The following SLC25A33 variants were observed in gnomAD, a reference collection of about 807,000 sequenced individuals.
SLC25A33 encodes bone marrow stromal cell mitochondrial carrier protein.
In SLC25A33, 15 loss-of-function variants were observed where a neutral mutation model predicts 35.5. The ratio of observed to expected loss-of-function variants is 0.42; its 90% CI spans 0.28 to 0.65. The LOEUF is 0.65. Ranked by LOEUF, SLC25A33 falls within the 30% of genes least tolerant of loss-of-function variation. SLC25A33 has a pLI of 0.20. For synonymous variants in SLC25A33, 136 were observed against 148.7 expected, an observed-to-expected ratio of 0.91 and a Z score of 0.62; for missense variants, 257 against 398.5, an observed-to-expected ratio of 0.64 and a Z score of 3.02.
At chr1:9,577,317 A>G (rs1380030758) in intron 5 of SLC25A33, among the ~76,000 whole-genome samples, 3 of 152,042 alleles carry the variant, frequency 2.0e-5, no homozygotes, top group Non-Finnish European at 2.9e-5. Context: ...GTGTGGTGTC[A>G]TGCCTCGGGA....
At position 9,571,329 on chromosome 1, in the gene SLC25A33, T is replaced by C. The variant is rs187045977; in HGVS notation, c.415+971T>C. On this transcript the variant is annotated intron_variant, in intron 4 of 6. Transcript: ENST00000302692. The stretch of plus-strand genomic sequence containing the variant: ...GTTTGTTTTTGAGACAGAGTCACTC[T>C]GTCGCCCAGGCTGGAGTGCAATGGC... 2.9e-3 allele frequency among the ~76,000 whole-genome samples: 440 copies of C among 152,272 alleles called. 4 individuals are homozygous for C. Among genetic ancestry groups the C allele is most frequent in the Non-Finnish European group, 4.4e-3 (299 of 68,018 alleles).
intron 1 of SLC25A33, among the ~76,000 whole-genome samples, chr1:9,540,150 G>A (rs1643056553): frequency 6.6e-6 from 1 of 152,198 alleles, no homozygotes; most frequent in Non-Finnish European, 1.5e-5. Flanking sequence ...CCCGTGGTAG[G>A]ATCGCTGATG....
Position 9,542,121 on chromosome 1 carries a change from C to A in SLC25A33, c.56+2374C>A, listed in dbSNP as rs367744303. 9.9e-5 allele frequency among the ~76,000 whole-genome samples: 15 copies of A among 152,274 alleles called. 1 individual carries two copies. The East Asian group carries it at 2.9e-3, about 29-fold the overall frequency. Reference sequence around the variant, plus strand: ...AGTGAGGTGGTCTTTTACAATTTTTCTTTGTATTCCAAACCAGGAGAGTTG... The same window carrying A: ...AGTGAGGTGGTCTTTTACAATTTTTATTTGTATTCCAAACCAGGAGAGTTG... On this transcript the variant is annotated intron_variant, in intron 1 of 6. Coordinates refer to ENST00000302692, the MANE Select transcript of SLC25A33 (RefSeq NM_032315.3).
At chr1:9,553,203 G>GTTTTTTTTTTTTTT (rs550067186) in intron 1 of SLC25A33, among the ~76,000 whole-genome samples, 47 of 56,474 alleles carry the variant, frequency 8.3e-4, no homozygotes, top group African/African-American at 8.3e-4. Context: ...TTCTAGTTTT[G>GTTTTTTTTTTTTTT]TTTTTTTTTT....
chr1:9,540,080 C>T (rs1407360290), intron 1 of SLC25A33, among the ~76,000 whole-genome samples: 2 of 152,108 alleles, frequency 1.3e-5, no homozygotes, highest in African/African-American at 2.4e-5. Flanking sequence ...CGCTGTGGCG[C>T]GGCCCCCCCT....
intron 3 of SLC25A33, 59 bp downstream of exon 3, chr1:9,567,420 C>A (rs1643526487): frequency 1.3e-6 from 2 of 1,486,604 alleles, no homozygotes; most frequent in Non-Finnish European, 1.9e-6. Context: ...TGGGTCCTTT[C>A]TTACCAAAGG....
chr1:9,547,571 A>G (rs1024780689), intron 1 of SLC25A33, among the ~76,000 whole-genome samples: 23 of 152,152 alleles, frequency 1.5e-4, no homozygotes, highest in African/African-American at 5.3e-4. Flanking sequence ...TGCCCATTTT[A>G]TTGGTCTAGA....
At chr1:9,541,452 C>T (rs1295492200) in intron 1 of SLC25A33, among the ~76,000 whole-genome samples, 1 of 151,958 alleles carries the variant, frequency 6.6e-6, no homozygotes, top group Non-Finnish European at 1.5e-5. Flanking sequence ...CCCGGCCACG[C>T]CCAGCTAATT....
At chr1:9,563,972 T>C (rs1399149338) in intron 2 of SLC25A33, among the ~76,000 whole-genome samples, 1 of 152,226 alleles carries the variant, frequency 6.6e-6, no homozygotes, top group African/African-American at 2.4e-5. Context: ...CTATTAACTT[T>C]TGACTAGCAT....
intron 1 of SLC25A33, among the ~76,000 whole-genome samples, chr1:9,541,516 T>C (rs1264007774): frequency 6.6e-6 from 1 of 152,072 alleles, no homozygotes; most frequent in Non-Finnish European, 1.5e-5. Flanking sequence ...AGGCTGGCAC[T>C]CCTGACCTCA....
Position 9,578,860 on chromosome 1 carries a change from T to C in SLC25A33, c.483-1094T>C, listed in dbSNP as rs888649679. On this transcript the variant is annotated intron_variant, in intron 5 of 6. Transcript: ENST00000302692. The surrounding 1 kb of genome is among the most constrained non-coding windows in gnomAD (Gnocchi z 4.3). The stretch of plus-strand genomic sequence containing the variant: ...CGGCCTTGTGACTTAATCTAGCAGA[T>C]ATACCGTGGTCAGCTATCTGGATTG... Among the ~76,000 whole-genome samples the C allele has an allele frequency of 6.6e-5, 10 of 152,392 alleles. No individual in the cohort carries two copies. The highest frequency in any genetic ancestry group is 2.4e-4 in the African/African-American group (10 of 41,602).
At chr1:9,577,670 G>A (rs2100412309) in intron 5 of SLC25A33, among the ~76,000 whole-genome samples, 1 of 152,234 alleles carries the variant, frequency 6.6e-6, no homozygotes, top group Admixed American at 6.5e-5. Flanking sequence ...GGCTTTGAGG[G>A]CAGTGGAAAG....
chr1:9,540,771 T>TCCC (rs1643067300), intron 1 of SLC25A33, among the ~76,000 whole-genome samples: 1 of 152,154 alleles, frequency 6.6e-6, no homozygotes, highest in Non-Finnish European at 1.5e-5. Context: ...CCTGGATATG[T>TCCC]TCCTTACAAC....
chr1:9,555,737 T>C (rs1643333508), intron 2 of SLC25A33, among the ~76,000 whole-genome samples: 1 of 152,140 alleles, frequency 6.6e-6, no homozygotes, highest in African/African-American at 2.4e-5. Context: ...CAAGCTGGAG[T>C]GCAGTGGTAC....
rs868526376 is a variant in SLC25A33 at position 9,545,558 on chromosome 1, T to C, written c.56+5811T>C. ...GATTGCAGGCGCCTGCCACCACGCCTGGCTAATTTTTTTTTTGTATTTTTA... is the reference window on the plus strand; with the variant it reads ...GATTGCAGGCGCCTGCCACCACGCCCGGCTAATTTTTTTTTTGTATTTTTA... On this transcript the variant is annotated intron_variant, in intron 1 of 6. Transcript: ENST00000302692. Among the ~76,000 whole-genome samples, 1,021 of 151,760 alleles carry C rather than the reference T, an allele frequency of 6.7e-3. 9 individuals carry two copies. Among genetic ancestry groups the C allele is most frequent in the African/African-American group, 0.024 (978 of 41,420 alleles).
intron 1 of SLC25A33, among the ~76,000 whole-genome samples, chr1:9,545,362 A>G (rs183751821): frequency 6.6e-6 from 1 of 152,022 alleles, no homozygotes; most frequent in Admixed American, 6.6e-5. Flanking sequence ...AAAGGAATAC[A>G]TAGGCTGGGT....
intron 1 of SLC25A33, among the ~76,000 whole-genome samples, chr1:9,547,885 C>G (rs1643203988): frequency 1.3e-5 from 2 of 151,194 alleles, no homozygotes; most frequent in South Asian, 4.2e-4. Flanking sequence ...TTTTTCCCTT[C>G]CTGTCACCCA....
At chr1:9,570,729 A>G in intron 4 of SLC25A33, among the ~76,000 whole-genome samples, 1 of 123,316 alleles carries the variant, frequency 8.1e-6, no homozygotes, top group African/African-American at 3.1e-5. Context: ...TTTTTTTGAG[A>G]CAGAGTCTCA....
chr1:9,563,343 ATTCT>A (rs2100393700), intron 2 of SLC25A33, among the ~76,000 whole-genome samples: 1 of 152,328 alleles, frequency 6.6e-6, no homozygotes, highest in Admixed American at 6.5e-5. Flanking sequence ...AGGTACAGAT[ATTCT>A]TTATTTTAAA....
Sources: allele counts gnomAD v4.1 joint callset (sites outside exome capture counted in the v4.1 genomes callset), GRCh38; gene constraint gnomAD v4.1.1; non-coding constraint Gnocchi (gnomAD v3.1); transcripts MANE v1.5; gene names NCBI Gene and HGNC (gene_info 2026-07-23, HGNC 2026-07-21).